SMIM12: variants seen among roughly 807,000 people sequenced by gnomAD.
SMIM12 encodes UPF0767 protein C1orf212.
SMIM12 carries 5 observed loss-of-function variants against 6.3 expected under a neutral mutation model. That is an observed-to-expected ratio of 0.80 (90% CI 0.42 to 1.68). The LOEUF is 1.68. SMIM12 is among the 40% of genes most tolerant of loss of function. The pLI, the probability that SMIM12 is intolerant of heterozygous loss-of-function variation, is 0.02. For missense variants in SMIM12, 103 were observed against 121.4 expected, an observed-to-expected ratio of 0.85 and a Z score of 0.71; for synonymous variants, 51 against 48.0, an observed-to-expected ratio of 1.06 and a Z score of -0.26.
Position 34,854,317 on chromosome 1 carries a change from A to AT in SMIM12, c.*1381_*1382insA, listed in dbSNP as rs910917277. 1.3e-5 allele frequency: 2 copies of AT among 152,300 alleles called. No homozygotes were observed. The highest frequency in any genetic ancestry group is 4.8e-5 in the African/African-American group (2 of 41,456). 9.4% of individuals were successfully genotyped at this position (152,300 alleles called of 1,614,324 possible). ...AATGAGAGTCCATCTCCAAAAAAAAAGAAAAAAGAAACTACAGGCCAAGGC... is the reference window on the plus strand; with the variant it reads ...AATGAGAGTCCATCTCCAAAAAAAAATGAAAAAAGAAACTACAGGCCAAGGC... On this transcript the variant is annotated 3_prime_UTR_variant, in exon 2 of 2. Transcript: ENST00000521580.
In SMIM12 at chr1:34,855,026, G is replaced by T; in HGVS notation, c.*673C>A. 7.9e-7 allele frequency: 1 copy of T among 1,259,256 alleles called. No homozygotes were observed. The allele number at this position is 1,259,256 out of a possible 1,614,324, so 78.0% of individuals were successfully genotyped here. On this transcript the variant is annotated 3_prime_UTR_variant, in exon 2 of 2. Coordinates refer to ENST00000521580, the MANE Select transcript of SMIM12 (RefSeq NM_138428.6). ...TAAGAAGACCCCCAAATACCACCTG[G>T]ATGATAAGATTCGATCATTATGGTT...
At position 34,852,710 on chromosome 1, in the gene SMIM12, T is replaced by C. The variant is rs925261911; in HGVS notation, c.*2989A>G. On this transcript the variant is annotated 3_prime_UTR_variant, in exon 2 of 2. Transcript: ENST00000521580. ...CCCTCTGGAGCTCTTAGAACATCTTTTAGAAAAATTCAAAAATCTGGTACC... is the reference window on the plus strand; with the variant it reads ...CCCTCTGGAGCTCTTAGAACATCTTCTAGAAAAATTCAAAAATCTGGTACC... 6 of 152,336 alleles carry C rather than the reference T, an allele frequency of 3.9e-5. No homozygotes were observed. Among genetic ancestry groups the C allele is most frequent in the African/African-American group, 1.4e-4 (6 of 41,380 alleles). The allele number at this position is 152,336 out of a possible 1,614,324, so 9.4% of individuals were successfully genotyped here. A position where few individuals can be genotyped will look rare whatever the true frequency, so the allele number is the denominator to read the frequency against.
At chr1:34,857,142 T>A (rs980352091) in intron 1 of SMIM12, 1 of 151,188 alleles carries the variant, frequency 6.6e-6, no homozygotes, top group African/African-American at 2.4e-5. Flanking sequence ...ACCTTCATAT[T>A]TACATAAAAA....
Position 34,855,637 on chromosome 1 carries a change from G to C in SMIM12, c.*62C>G, listed in dbSNP as rs1352370575. On this transcript the variant is annotated 3_prime_UTR_variant, in exon 2 of 2. Transcript: ENST00000521580. ...AATTAGATGTGGGTTCTGGGGCTCT[G>C]TCAACATGGTAGCAGGACAAGTCAC... The C allele has an allele frequency of 1.2e-6, 2 of 1,614,092 alleles. No individual in the cohort carries two copies. The highest frequency in any genetic ancestry group is 1.7e-6 in the Non-Finnish European group (2 of 1,179,982).
At position 34,855,743 on chromosome 1, in the gene SMIM12, C is replaced by T; in HGVS notation, c.235G>A (p.Ala79Thr). The change falls in exon 2 of 2, where the codon GCC becomes ACC. Residue 79 changes from alanine to threonine, a missense_variant. Physicochemically the swap from Ala to Thr is moderately conservative, Grantham distance 58. Transcript: ENST00000521580. ...TTTCTGTTCAGCACAGCTTTCGGGG[C>T]AAATTCTAGCTTGTCCTTAAGGCTC... ...VVSLKDKLEF[A>T]PKAVLNRNRP... 6.3e-7 allele frequency: 1 copy of T among 1,598,500 alleles called. No homozygotes were observed. Among genetic ancestry groups the T allele is most frequent in the Non-Finnish European group, 8.5e-7 (1 of 1,171,772 alleles).
rs564239421 is a variant in SMIM12 at position 34,850,800 on chromosome 1, A to G, written c.*4899T>C. 37 of 152,222 alleles carry G rather than the reference A, an allele frequency of 2.4e-4. No homozygotes were observed. The highest frequency in any genetic ancestry group is 8.4e-4 in the African/African-American group (35 of 41,492). The allele number at this position is 152,222 out of a possible 1,614,324, so 9.4% of individuals were successfully genotyped here. The stretch of plus-strand genomic sequence containing the variant: ...AAGTCCAAGGCTCTTTCCCCTCCCA[A>G]TTCTCCTGATCTGTGACCTCCTGGG... On this transcript the variant is annotated 3_prime_UTR_variant, in exon 2 of 2. Transcript: ENST00000521580.
Position 34,855,372 on chromosome 1 carries a change from C to G in SMIM12, c.*327G>C, listed in dbSNP as rs775985703. 1 of 1,461,154 alleles carries G rather than the reference C, an allele frequency of 6.8e-7. No homozygotes were observed. Among genetic ancestry groups the G allele is most frequent in the African/African-American group, 1.4e-5 (1 of 71,476 alleles). 90.5% of individuals were successfully genotyped at this position (1,461,154 alleles called of 1,614,324 possible). On this transcript the variant is annotated 3_prime_UTR_variant, in exon 2 of 2. Transcript: ENST00000521580. ...AGGCAACGCCCAAATCCCAGCCATT[C>G]CCACTAGAGGCCAAACCGCCTGCCC...
intron 1 of SMIM12, chr1:34,856,847 T>C (rs948462853): frequency 1.3e-5 from 2 of 152,320 alleles, no homozygotes; most frequent in Non-Finnish European, 2.9e-5. Context: ...GTTCTGAACC[T>C]GGCTTTTCTA....
intron 1 of SMIM12, chr1:34,857,728 G>C (rs900393121): frequency 6.6e-6 from 1 of 152,126 alleles, no homozygotes. Context: ...TTCTCTAGAC[G>C]TAACACTATA....
In SMIM12 at chr1:34,854,181, G is replaced by A. The variant is rs185639513; in HGVS notation, c.*1518C>T. 434 of 151,270 alleles carry A rather than the reference G, an allele frequency of 2.9e-3. 1 individual carries two copies. Among genetic ancestry groups the A allele is most frequent in the Admixed American group, 4.4e-3 (67 of 15,204 alleles). 9.4% of individuals were successfully genotyped at this position (151,270 alleles called of 1,614,324 possible). ...AAACTAGCCAGGCACGATGGCGCACGCCTGTAATCCCAGCTACTTAGGAAG... is the reference window on the plus strand; with the variant it reads ...AAACTAGCCAGGCACGATGGCGCACACCTGTAATCCCAGCTACTTAGGAAG... On this transcript the variant is annotated 3_prime_UTR_variant, in exon 2 of 2. Coordinates refer to ENST00000521580, the MANE Select transcript of SMIM12 (RefSeq NM_138428.6).
Position 34,854,661 on chromosome 1 carries a change from C to G in SMIM12, c.*1038G>C, listed in dbSNP as rs563350165. On this transcript the variant is annotated 3_prime_UTR_variant, in exon 2 of 2. Coordinates refer to ENST00000521580, the MANE Select transcript of SMIM12 (RefSeq NM_138428.6). ...AAATGTACAGTAATGATAACTATCT[C>G]TAAAACCTATGCAGAGAATTAGTAA... 4.6e-4 allele frequency: 70 copies of G among 153,612 alleles called. No individual in the cohort carries two copies. The highest frequency in any genetic ancestry group is 1.6e-3 in the African/African-American group (66 of 41,564). 9.5% of individuals were successfully genotyped at this position (153,612 alleles called of 1,614,324 possible). A position where few individuals can be genotyped will look rare whatever the true frequency, so the allele number is the denominator to read the frequency against.
Position 34,853,534 on chromosome 1 carries a change from G to A in SMIM12, c.*2165C>T, listed in dbSNP as rs2148376750. ...CAAAATGACATTTACTATTTTTACT[G>A]TTTATTCCAAAACGCAGGAAAAGCT... is the stretch of plus-strand genomic sequence containing the variant. On this transcript the variant is annotated 3_prime_UTR_variant, in exon 2 of 2. Coordinates refer to ENST00000521580, the MANE Select transcript of SMIM12 (RefSeq NM_138428.6). The A allele has an allele frequency of 6.6e-6, 1 of 152,330 alleles. No homozygotes were observed. Among genetic ancestry groups the A allele is most frequent in the East Asian group, 1.9e-4 (1 of 5,186 alleles). 9.4% of individuals were successfully genotyped at this position (152,330 alleles called of 1,614,324 possible). A position where few individuals can be genotyped will look rare whatever the true frequency, so the allele number is the denominator to read the frequency against.
In SMIM12 at chr1:34,855,138, A is replaced by G. The variant is rs1638596885; in HGVS notation, c.*561T>C. 7.4e-7 allele frequency: 1 copy of G among 1,351,326 alleles called. No homozygotes were observed. Among genetic ancestry groups the G allele is most frequent in the Non-Finnish European group, 9.9e-7 (1 of 1,012,898 alleles). 83.7% of individuals were successfully genotyped at this position (1,351,326 alleles called of 1,614,324 possible). On this transcript the variant is annotated 3_prime_UTR_variant, in exon 2 of 2. Coordinates refer to ENST00000521580, the MANE Select transcript of SMIM12 (RefSeq NM_138428.6). ...GTTTTCAAGCAAATTCACGAGGCACATGTTCGTCCCTGCCCCAAAGTGAAC... is the reference window on the plus strand; with the variant it reads ...GTTTTCAAGCAAATTCACGAGGCACGTGTTCGTCCCTGCCCCAAAGTGAAC...
Position 34,851,936 on chromosome 1 carries a change from G to A in SMIM12, c.*3763C>T, listed in dbSNP as rs1009998965. Reference sequence around the variant, plus strand: ...GAATCAGCAAGCATGGAAGAAAACCGGTCTGCACCTTGGTTCATCCCAGCA... The same window carrying A: ...GAATCAGCAAGCATGGAAGAAAACCAGTCTGCACCTTGGTTCATCCCAGCA... On this transcript the variant is annotated 3_prime_UTR_variant, in exon 2 of 2. Transcript: ENST00000521580. Among the ~76,000 whole-genome samples the A allele has an allele frequency of 2.0e-5, 3 of 152,120 alleles. No individual in the cohort carries two copies. Among genetic ancestry groups the A allele is most frequent in the Non-Finnish European group, 2.9e-5 (2 of 68,024 alleles).
rs1638583279 is a variant in SMIM12 at position 34,854,689 on chromosome 1, G to T, written c.*1010C>A. 1 of 153,834 alleles carries T rather than the reference G, an allele frequency of 6.5e-6. No homozygotes were observed. Among genetic ancestry groups the T allele is most frequent in the African/African-American group, 2.4e-5 (1 of 41,448 alleles). The allele number at this position is 153,834 out of a possible 1,614,324, so 9.5% of individuals were successfully genotyped here. On this transcript the variant is annotated 3_prime_UTR_variant, in exon 2 of 2. Transcript: ENST00000521580. Reference sequence around the variant, plus strand: ...AAACCTATGCAGAGAATTAGTAAAAGACAACAAAATGTTAACGGTTGTTAT... The same window carrying T: ...AAACCTATGCAGAGAATTAGTAAAATACAACAAAATGTTAACGGTTGTTAT...
Position 34,851,619 on chromosome 1 carries a change from C to G in SMIM12, c.*4080G>C, listed in dbSNP as rs911557127. 6.6e-6 allele frequency: 1 copy of G among 152,256 alleles called. No homozygotes were observed. Among genetic ancestry groups the G allele is most frequent in the African/African-American group, 2.4e-5 (1 of 41,460 alleles). The allele number at this position is 152,256 out of a possible 1,614,324, so 9.4% of individuals were successfully genotyped here. On this transcript the variant is annotated 3_prime_UTR_variant, in exon 2 of 2. Coordinates refer to ENST00000521580, the MANE Select transcript of SMIM12 (RefSeq NM_138428.6). Reference sequence around the variant, plus strand: ...GAGCTGACCAGAGTCAAAAGGCTCCCTGGCAGGCTTGTTCTGGCAGCTGCC... The same window carrying G: ...GAGCTGACCAGAGTCAAAAGGCTCCGTGGCAGGCTTGTTCTGGCAGCTGCC...
chr1:34,855,591 G>C lies in SMIM12; in HGVS notation c.*108C>G. On this transcript the variant is annotated 3_prime_UTR_variant, in exon 2 of 2. Transcript: ENST00000521580. ...TGTGTGGCTGTGTGGTGTGGGAAGG[G>C]CCAGAATAAGCAACAAAGCCAATTA... 6.2e-7 allele frequency: 1 copy of C among 1,613,336 alleles called. No individual in the cohort carries two copies. Among genetic ancestry groups the C allele is most frequent in the South Asian group, 1.1e-5 (1 of 90,398 alleles).
In SMIM12 at chr1:34,852,432, A is replaced by T. The variant is rs1018825642; in HGVS notation, c.*3267T>A. Among the ~76,000 whole-genome samples the T allele has an allele frequency of 3.6e-5, 5 of 139,422 alleles. No individual in the cohort carries two copies. Among genetic ancestry groups the T allele is most frequent in the African/African-American group, 1.3e-4 (5 of 37,228 alleles). The allele number at this position is 139,422 out of a possible 152,430, so 91.5% of individuals were successfully genotyped here. On this transcript the variant is annotated 3_prime_UTR_variant, in exon 2 of 2. Coordinates refer to ENST00000521580, the MANE Select transcript of SMIM12 (RefSeq NM_138428.6). ...TGTTTTGAGGGAAACCAATTCTGGG[A>T]TCTAATATTTGTAACAAGTTGTTAG...
In SMIM12 at chr1:34,855,312, C is replaced by T; in HGVS notation, c.*387G>A. 4.3e-6 allele frequency: 6 copies of T among 1,391,068 alleles called. No individual in the cohort carries two copies. The highest frequency in any genetic ancestry group is 5.8e-6 in the Non-Finnish European group (6 of 1,037,782). 86.2% of individuals were successfully genotyped at this position (1,391,068 alleles called of 1,614,324 possible). On this transcript the variant is annotated 3_prime_UTR_variant, in exon 2 of 2. Transcript: ENST00000521580. Reference sequence around the variant, plus strand: ...GTGCATATTTGAATTCTTTCCAGTGCAGACTGGAACTAGACATGCAGGTAT... The same window carrying T: ...GTGCATATTTGAATTCTTTCCAGTGTAGACTGGAACTAGACATGCAGGTAT...
Sources: gnomAD v4.1 joint callset for allele counts (sites outside exome capture counted in the v4.1 genomes callset) on GRCh38, gnomAD v4.1.1 for gene constraint, MANE v1.5 for transcripts, NCBI Gene and HGNC (gene_info 2026-07-23, HGNC 2026-07-21) for gene names.